The following CDH23 variants were observed in gnomAD, a reference collection of about 807,000 sequenced individuals.
CDH23 encodes cadherin-23.
In CDH23, 189 loss-of-function variants were observed where a neutral mutation model predicts 317.1. The ratio of observed to expected loss-of-function variants is 0.60; its 90% CI spans 0.53 to 0.67. The LOEUF is 0.67. Among genes scored for constraint, CDH23 ranks in the 30% least tolerant of loss-of-function variants. The pLI is 0.00. For synonymous variants in CDH23, 1,839 were observed against 1,876.8 expected (o/e 0.98, Z 0.52); for missense variants, 4,401 against 4,592.4 (o/e 0.96, Z 1.20).
In CDH23 at chr10:71,452,544, T is replaced by G. The variant is rs557253353; in HGVS notation, c.145+6149T>G. 1.8e-3 allele frequency among the ~76,000 whole-genome samples: 280 copies of G among 152,158 alleles called. 1 individual carries two copies. Among genetic ancestry groups the G allele is most frequent in the African/African-American group, 6.4e-3 (264 of 41,504 alleles). On this transcript the variant is annotated intron_variant, in intron 3 of 69. Transcript: ENST00000224721. Reference sequence around the variant, plus strand: ...TGCCTGGCAAAGTCCTGCTCCTCTTTCAAGCTGCAGCTCAGATGTCCCTTG... The same window carrying G: ...TGCCTGGCAAAGTCCTGCTCCTCTTGCAAGCTGCAGCTCAGATGTCCCTTG...
intron 38 of CDH23, among the ~76,000 whole-genome samples, chr10:71,757,237 C>T (rs1365143814): frequency 6.6e-6 from 1 of 152,220 alleles, no homozygotes; most frequent in Non-Finnish European, 1.5e-5. Flanking sequence ...TTGCCAGGTG[C>T]TCATTGATAC....
chr10:71,779,574 GT>G, intron 41 of CDH23, 127 bp downstream of exon 41: 1 of 669,430 alleles, frequency 1.5e-6, no homozygotes, highest in South Asian at 2.6e-5. Context: ...CTGGGCCTCA[GT>G]TTCCCCATCT....
intron 11 of CDH23, among the ~76,000 whole-genome samples, chr10:71,633,289 T>A (rs551234250): frequency 3.0e-4 from 45 of 152,198 alleles, no homozygotes; most frequent in Admixed American, 9.2e-4. Context: ...TCTGTGTCTG[T>A]CTCTATCTTC....
rs1363375218 is a variant in CDH23, at chr10:71,618,366, G to T, written c.1134+973G>T. Reference sequence around the variant, plus strand: ...CCTGCATCACAGGGGCGGGCGTAGGGGGGCAGGGCGGCGAGGCCTCTATTC... The same window carrying T: ...CCTGCATCACAGGGGCGGGCGTAGGTGGGCAGGGCGGCGAGGCCTCTATTC... On this transcript the variant is annotated intron_variant, in intron 11 of 69. Transcript: ENST00000224721. Among the ~76,000 whole-genome samples the T allele has an allele frequency of 2.6e-5, 4 of 152,204 alleles. No individual in the cohort carries two copies. In the East Asian group the frequency reaches 7.7e-4, roughly 29 times the overall value.
intron 20 of CDH23, 58 bp from the exon 21 acceptor site, chr10:71,694,089 C>A: frequency 7.7e-7 from 1 of 1,299,286 alleles, no homozygotes; most frequent in Non-Finnish European, 1.1e-6. Flanking sequence ...CTCTTCTTCC[C>A]TCCCTCTCTC....
chr10:71,493,796 A>G (rs1589134131), intron 3 of CDH23, among the ~76,000 whole-genome samples: 1 of 152,318 alleles, frequency 6.6e-6, no homozygotes, highest in Non-Finnish European at 1.5e-5. Flanking sequence ...CCAGGGAATT[A>G]ATGATTCGCG....
At chr10:71,720,713 G>A (rs1366432789) in intron 28 of CDH23, among the ~76,000 whole-genome samples, 3 of 152,208 alleles carry the variant, frequency 2.0e-5, no homozygotes, top group Non-Finnish European at 4.4e-5. Flanking sequence ...CCCCAAGATG[G>A]ACAAGAGATT....
At chr10:71,535,464 C>A (rs1345241440) in intron 6 of CDH23, among the ~76,000 whole-genome samples, 2 of 152,208 alleles carry the variant, frequency 1.3e-5, no homozygotes, top group African/African-American at 4.8e-5. Context: ...GGCTTTGTGG[C>A]ACTGTAGAAG....
At chr10:71,577,335 G>A (rs917680654) in intron 8 of CDH23, among the ~76,000 whole-genome samples, 8 of 152,218 alleles carry the variant, frequency 5.3e-5, no homozygotes, top group African/African-American at 1.9e-4. Context: ...GCCAGGCACA[G>A]TGCTGTGTGG....
At chr10:71,740,991 G>A (rs1564769410) in intron 37 of CDH23, 41 bp downstream of exon 37, 2 of 1,611,986 alleles carry the variant, frequency 1.2e-6, no homozygotes, top group Middle Eastern at 1.7e-4. Context: ...GACATACGGG[G>A]GGACCGTGGG....
chr10:71,758,298 C>A (rs1232935941), intron 38 of CDH23, among the ~76,000 whole-genome samples: 1 of 152,166 alleles, frequency 6.6e-6, no homozygotes, highest in Admixed American at 6.5e-5. Flanking sequence ...GGCTTAGGTC[C>A]TCGTGCATGT....
rs561196942 is a variant in CDH23 at position 71,708,744 on chromosome 10, G to T, written c.3107-354G>T. On this transcript the variant is annotated intron_variant, in intron 26 of 69. Coordinates refer to ENST00000224721, the MANE Select transcript of CDH23 (RefSeq NM_022124.6). ...TGCAGGACGGGCAGGGAGCAGAGGG[G>T]TGAAGGATAAGCCCAGGGACCCACG... Among the ~76,000 whole-genome samples the T allele has an allele frequency of 1.2e-4, 19 of 152,374 alleles. No homozygotes were observed. In the East Asian group the frequency reaches 3.7e-3, roughly 29 times the overall value.
In CDH23 at chr10:71,811,308, C is replaced by T. The variant is rs749510793; in HGVS notation, c.9078-7C>T. On this transcript the variant is annotated splice_polypyrimidine_tract_variant and splice_region_variant and intron_variant, in intron 62 of 69. Transcript: ENST00000224721. ...GAGGAGAGCTGAGACCCCTGCCCCT[C>T]GCCCAGGGTGATCCAGATGATCGAT... 11 of 1,613,624 alleles carry T rather than the reference C, an allele frequency of 6.8e-6. No homozygotes were observed. In the East Asian group the frequency reaches 8.9e-5, roughly 13 times the overall value.
intron 6 of CDH23, among the ~76,000 whole-genome samples, chr10:71,553,985 T>C (rs1386692538): frequency 1.3e-5 from 2 of 152,192 alleles, no homozygotes; most frequent in African/African-American, 4.8e-5. Flanking sequence ...CTTCCCACCA[T>C]AAGTAACATC....
At chr10:71,451,584 A>T (rs193250571) in intron 3 of CDH23, among the ~76,000 whole-genome samples, 15 of 152,290 alleles carry the variant, frequency 9.8e-5, no homozygotes, top group African/African-American at 3.6e-4. Context: ...TGCGCTTACC[A>T]GGCTCTTTCA....
intron 6 of CDH23, among the ~76,000 whole-genome samples, chr10:71,513,475 A>G (rs1854108811): frequency 6.6e-6 from 1 of 152,176 alleles, no homozygotes; most frequent in Admixed American, 6.5e-5. Context: ...AGTGTGATTC[A>G]GCAGCAAAGG....
chr10:71,508,899 G>T (rs1158845480), intron 3 of CDH23, among the ~76,000 whole-genome samples: 1 of 152,234 alleles, frequency 6.6e-6, no homozygotes, highest in Non-Finnish European at 1.5e-5. Flanking sequence ...CAGTTTGCCT[G>T]GGGCTTCCTG....
intron 8 of CDH23, among the ~76,000 whole-genome samples, chr10:71,574,166 C>A (rs534897701): frequency 3.4e-4 from 51 of 152,228 alleles, no homozygotes; most frequent in African/African-American, 1.2e-3. Flanking sequence ...CGGACCTTTC[C>A]CCACTCTCCC....
intron 69 of CDH23, 147 bp from the exon 70 acceptor site, chr10:71,814,805 T>G: frequency 1.1e-6 from 1 of 899,452 alleles, no homozygotes; most frequent in Non-Finnish European, 1.6e-6. Context: ...GATTCCCCTT[T>G]GCAGGCAGTT....
Sources: allele counts gnomAD v4.1 joint callset (sites outside exome capture counted in the v4.1 genomes callset), GRCh38; gene constraint gnomAD v4.1.1; transcripts MANE v1.5; gene names NCBI Gene and HGNC (gene_info 2026-07-23, HGNC 2026-07-21).